GXYLT2: variants seen among roughly 807,000 people sequenced by gnomAD.
GXYLT2 encodes the protein glucoside xylosyltransferase 2.
GXYLT2 carries 53 observed loss-of-function variants against 45.8 expected under a neutral mutation model. The observed-to-expected ratio is 1.16, with a 90% confidence interval of 0.93 to 1.46. The LOEUF (loss-of-function observed/expected upper bound fraction) is 1.46, where lower values mean the gene tolerates loss of function less well. GXYLT2 is among the 40% of genes most tolerant of loss of function. The pLI, the probability that GXYLT2 is intolerant of heterozygous loss-of-function variation, is 0.00. For synonymous variants in GXYLT2, 219 were observed against 214.2 expected, an observed-to-expected ratio of 1.02 and a Z score of -0.19; for missense variants, 551 against 544.4, an observed-to-expected ratio of 1.01 and a Z score of -0.12.
chr3:72,971,562 T>G (rs1710985491), intron 6 of GXYLT2, among the ~76,000 whole-genome samples: 1 of 152,124 alleles, frequency 6.6e-6, no homozygotes, highest in Non-Finnish European at 1.5e-5. Flanking sequence ...GATAATAAGA[T>G]TATCTACCTC....
intron 3 of GXYLT2, among the ~76,000 whole-genome samples, chr3:72,954,614 C>T (rs189857481): frequency 0.014 from 1,983 of 146,634 alleles, 54 homozygotes; most frequent in African/African-American, 0.047. Flanking sequence ...CCAGCCTGGG[C>T]GACAGAGTGA....
intron 4 of GXYLT2, among the ~76,000 whole-genome samples, chr3:72,956,167 C>T (rs1214284407): frequency 6.6e-6 from 1 of 152,024 alleles, no homozygotes; most frequent in East Asian, 1.9e-4. Flanking sequence ...GGGAGGATCG[C>T]TTGAGCCCAG....
chr3:72,924,592 C>G (rs1281617787), intron 3 of GXYLT2, among the ~76,000 whole-genome samples: 1 of 152,112 alleles, frequency 6.6e-6, no homozygotes, highest in African/African-American at 2.4e-5. Context: ...AGAAGACACT[C>G]TGGTTTATGG....
At chr3:72,946,070 A>C (rs1033403828) in intron 3 of GXYLT2, among the ~76,000 whole-genome samples, 1 of 151,976 alleles carries the variant, frequency 6.6e-6, no homozygotes, top group Non-Finnish European at 1.5e-5. Flanking sequence ...TGAGCTCAGG[A>C]GTTTGAGATC....
Position 72,967,623 on chromosome 3 carries a change from T to C in GXYLT2, c.1053T>C (p.Ala351=). 2 of 1,613,958 alleles carry C rather than the reference T, an allele frequency of 1.2e-6. No homozygotes were observed. The highest frequency in any genetic ancestry group is 1.7e-6 in the Non-Finnish European group (2 of 1,179,854). The change falls in exon 6 of 7, where the codon GCT becomes GCC. Residue 351 remains alanine, a synonymous_variant. Transcript: ENST00000389617. ...TGTACGGAAGCAACTGCAGAGAGGC[T>C]GAGCATGAAGGTGTGTCTGTTCTGC... ...HCMYGSNCRE[A]EHEGVSVLHG...
intron 6 of GXYLT2, among the ~76,000 whole-genome samples, chr3:72,972,040 C>G (rs1258227324): frequency 6.6e-6 from 1 of 151,222 alleles, no homozygotes; most frequent in Non-Finnish European, 1.5e-5. Flanking sequence ...TCTCTTCTTG[C>G]TTATAAACAG....
chr3:72,969,917 AAAAAC>A (rs1014876943), intron 6 of GXYLT2, among the ~76,000 whole-genome samples: 2 of 149,766 alleles, frequency 1.3e-5, no homozygotes, highest in Non-Finnish European at 3.0e-5. Flanking sequence ...TTGAAAAAAA[AAAAAC>A]AAAAACATTT....
At position 72,964,184 on chromosome 3, in the gene GXYLT2, G is replaced by A. The variant is rs1710818144; in HGVS notation, c.977-3363G>A. Among the ~76,000 whole-genome samples the A allele has an allele frequency of 4.6e-5, 7 of 152,196 alleles. No homozygotes were observed. The South Asian group carries it at 1.2e-3, about 27-fold the overall frequency. ...TACCACGATTATAGAGCTAGATGGG[G>A]GTAGAAGCCAGATTTACACCTCTGC... On this transcript the variant is annotated intron_variant, in intron 5 of 6. Transcript: ENST00000389617.
At chr3:72,929,110 C>T (rs1391807691) in intron 3 of GXYLT2, 1 of 1,590,954 alleles carries the variant, frequency 6.3e-7, no homozygotes, top group East Asian at 2.2e-5. Flanking sequence ...TCATCAACCG[C>T]TAGATCAACC....
chr3:72,898,544 C>A (rs1397682497), intron 1 of GXYLT2, among the ~76,000 whole-genome samples: 1 of 152,064 alleles, frequency 6.6e-6, no homozygotes, highest in Non-Finnish European at 1.5e-5. Context: ...GGGAATAAAT[C>A]AACACAAATG....
intron 2 of GXYLT2, among the ~76,000 whole-genome samples, chr3:72,921,315 T>C: frequency 6.6e-6 from 1 of 152,192 alleles, no homozygotes; most frequent in East Asian, 1.9e-4. Flanking sequence ...GATATAGAAC[T>C]GAGGTCAGCA....
At position 72,890,517 on chromosome 3, in the gene GXYLT2, G is replaced by A. The variant is rs183231124; in HGVS notation, c.275+2009G>A. 1.1e-4 allele frequency among the ~76,000 whole-genome samples: 16 copies of A among 152,366 alleles called. No individual in the cohort carries two copies. In the East Asian group the frequency reaches 2.9e-3, roughly 28 times the overall value. On this transcript the variant is annotated intron_variant, in intron 1 of 6. Coordinates refer to ENST00000389617, the MANE Select transcript of GXYLT2 (RefSeq NM_001080393.2). Reference sequence around the variant, plus strand: ...GTTCACAGGTAACCTGGTAGAGAAGGATAAAGATCCAGGCAGTGTGGGCTC... The same window carrying A: ...GTTCACAGGTAACCTGGTAGAGAAGAATAAAGATCCAGGCAGTGTGGGCTC...
chr3:72,972,194 G>T (rs1228941428), intron 6 of GXYLT2, among the ~76,000 whole-genome samples: 1 of 152,004 alleles, frequency 6.6e-6, no homozygotes, highest in Non-Finnish European at 1.5e-5. Context: ...GTGTGAAAGG[G>T]CAGTGCAGCC....
chr3:72,928,334 C>CTGT (rs1250303833), intron 3 of GXYLT2, among the ~76,000 whole-genome samples: 1 of 152,196 alleles, frequency 6.6e-6, no homozygotes, highest in Non-Finnish European at 1.5e-5. Flanking sequence ...GAGTGAGAAT[C>CTGT]GGTGACATTT....
chr3:72,917,131 G>A (rs1025066148), intron 2 of GXYLT2, among the ~76,000 whole-genome samples: 1 of 152,014 alleles, frequency 6.6e-6, no homozygotes, highest in Admixed American at 6.6e-5. Flanking sequence ...TTTTGAGACA[G>A]GGTCTCACAT....
rs151240600 is a variant in GXYLT2 at position 72,896,099 on chromosome 3, A to ATTGTTAC, written c.275+7593_275+7594insGTTACTT. Among the ~76,000 whole-genome samples, 989 of 152,338 alleles carry ATTGTTAC rather than the reference A, an allele frequency of 6.5e-3. 12 individuals are homozygous for ATTGTTAC. The highest frequency in any genetic ancestry group is 0.023 in the African/African-American group (944 of 41,568). The stretch of plus-strand genomic sequence containing the variant: ...GGGTACTATTATTATCCATCATTGC[A>ATTGTTAC]TTAGGAATTGAGCCATAACTAGACC... On this transcript the variant is annotated intron_variant, in intron 1 of 6. Transcript: ENST00000389617.
chr3:72,940,259 A>G (rs1311193499), intron 3 of GXYLT2, among the ~76,000 whole-genome samples: 2 of 152,242 alleles, frequency 1.3e-5, no homozygotes, highest in Non-Finnish European at 2.9e-5. Context: ...ATTGAGCCTC[A>G]GTTATGTGAC....
intron 5 of GXYLT2, among the ~76,000 whole-genome samples, chr3:72,958,629 CTTT>C (rs760548760): frequency 3.7e-5 from 4 of 108,702 alleles, no homozygotes; most frequent in Non-Finnish European, 5.5e-5. Flanking sequence ...TCACTTGTGG[CTTT>C]TTTTTTTTTT....
At chr3:72,896,665 A>G (rs543002311) in intron 1 of GXYLT2, among the ~76,000 whole-genome samples, 1 of 152,152 alleles carries the variant, frequency 6.6e-6, no homozygotes, top group South Asian at 2.1e-4. Flanking sequence ...CCTGGCCAAT[A>G]TGGTGAAACC....
Sources: allele counts gnomAD v4.1 joint callset (sites outside exome capture counted in the v4.1 genomes callset), GRCh38; gene constraint gnomAD v4.1.1; transcripts MANE v1.5; gene names NCBI Gene and HGNC (gene_info 2026-07-23, HGNC 2026-07-21).